SEC61A2: variants seen among roughly 807,000 people sequenced by gnomAD.
The protein encoded by SEC61A2 is SEC61 translocon subunit alpha 2, also known as protein transport protein Sec61 subunit alpha isoform 2.
Under a neutral mutation model 59.9 loss-of-function variants are expected in SEC61A2, and 28 were observed. That is an observed-to-expected ratio of 0.47 (90% CI 0.35 to 0.64). The LOEUF (loss-of-function observed/expected upper bound fraction) is 0.64. SEC61A2 is among the 30% of genes least tolerant of loss of function. The probability of loss-of-function intolerance (pLI) is 0.01; values close to 1 mark genes in which losing one functional copy is unlikely to be tolerated. For synonymous variants in SEC61A2, 202 were observed against 214.4 expected, an observed-to-expected ratio of 0.94 and a Z score of 0.50; for missense variants, 340 against 585.9, an observed-to-expected ratio of 0.58 and a Z score of 4.33.
chr10:12,146,810 G>A (rs543381300), intron 4 of SEC61A2, among the ~76,000 whole-genome samples: 45 of 152,254 alleles, frequency 3.0e-4, no homozygotes, highest in South Asian at 2.7e-3. Context: ...GAGCCACCGC[G>A]CCCAGCCAGT....
chr10:12,131,907 G>A (rs77047903), intron 1 of SEC61A2, among the ~76,000 whole-genome samples: 1,920 of 1,934 alleles, frequency 0.99, 955 homozygotes, highest in Middle Eastern at 1. Context: ...ATGTTGGCCA[G>A]GCTGGCCTTG....
At chr10:12,132,638 A>G (rs1833783602) in intron 1 of SEC61A2, among the ~76,000 whole-genome samples, 1 of 141,786 alleles carries the variant, frequency 7.1e-6, no homozygotes, top group South Asian at 2.2e-4. Context: ...AAAGTTAACT[A>G]TAGGAGGTGA....
At chr10:12,151,644 T>A (rs1024262836) in intron 6 of SEC61A2, among the ~76,000 whole-genome samples, 3 of 151,994 alleles carry the variant, frequency 2.0e-5, no homozygotes, top group African/African-American at 7.3e-5. Context: ...AAGATCAAGA[T>A]CAAGCTGAGA....
Position 12,158,376 on chromosome 10 carries a change from AAAGTAATTTCCTATTTTGT to A in SEC61A2, c.975+272_975+290del. 1 of 396,308 alleles carries A rather than the reference AAAGTAATTTCCTATTTTGT, an allele frequency of 2.5e-6. No homozygotes were observed. Among genetic ancestry groups the A allele is most frequent in the Non-Finnish European group, 4.6e-6 (1 of 218,520 alleles). 24.5% of individuals were successfully genotyped at this position (396,308 alleles called of 1,614,324 possible). On this transcript the variant is annotated intron_variant, in intron 9 of 11. Transcript: ENST00000298428. The surrounding 1 kb of genome is among the most constrained non-coding windows in gnomAD (Gnocchi z 5.7). ...AGCTAAAATTGTGGTTGATTTCATA[AAAGTAATTTCCTATTTTGT>A]CATCTTATTCCAGTATTGTCTACAA...
chr10:12,157,821 C>T (rs557205170), intron 8 of SEC61A2, 87 bp from the exon 9 acceptor site: 13 of 1,268,904 alleles, frequency 1.0e-5, no homozygotes, highest in East Asian at 7.0e-5. Flanking sequence ...TTTCATCCCC[C>T]GCACTGTTCT....
Position 12,165,133 on chromosome 10 carries a change from T to A in SEC61A2, c.*679T>A, listed in dbSNP as rs1234034989. 1.0e-6 allele frequency: 1 copy of A among 985,610 alleles called. No homozygotes were observed. Among genetic ancestry groups the A allele is most frequent in the Admixed American group, 6.1e-5 (1 of 16,276 alleles). The allele number at this position is 985,610 out of a possible 1,614,324, so 61.1% of individuals were successfully genotyped here. A position where few individuals can be genotyped will look rare whatever the true frequency, so the allele number is the denominator to read the frequency against. On this transcript the variant is annotated 3_prime_UTR_variant, in exon 12 of 12. Coordinates refer to ENST00000298428, the MANE Select transcript of SEC61A2 (RefSeq NM_018144.4). The stretch of plus-strand genomic sequence containing the variant: ...GCATCATCGTGCTGTTTGCCTGTAT[T>A]GGCTATGCCTTCTAACTCCAACCAG...
intron 3 of SEC61A2, among the ~76,000 whole-genome samples, chr10:12,139,468 G>C (rs1833960485): frequency 1.3e-5 from 2 of 151,168 alleles, no homozygotes; most frequent in Admixed American, 6.6e-5. Context: ...TGACCAACAT[G>C]GAGAAACCCC....
chr10:12,149,847 A>T lies in SEC61A2; in HGVS notation c.353-5A>T. 2 of 1,612,882 alleles carry T rather than the reference A, an allele frequency of 1.2e-6. No homozygotes were observed. Among genetic ancestry groups the T allele is most frequent in the Non-Finnish European group, 1.7e-6 (2 of 1,179,108 alleles). The stretch of plus-strand genomic sequence containing the variant: ...GTGCTCTCCTTTCCCCCCAACTTTC[A>T]TCAGTGTTTGGTATGATCATTACCA... On this transcript the variant is annotated splice_polypyrimidine_tract_variant and splice_region_variant and intron_variant, in intron 5 of 11. Transcript: ENST00000298428. This position sits in a 1 kb window ranked among gnomAD's most constrained non-coding sequence, Gnocchi z 5.2.
rs1834226307 is a variant in SEC61A2 at position 12,149,459 on chromosome 10, T to C, written c.221-136T>C. On this transcript the variant is annotated intron_variant, in intron 4 of 11. Transcript: ENST00000298428. The surrounding 1 kb of genome is among the most constrained non-coding windows in gnomAD (Gnocchi z 5.2). ...AATGAGAACTTTTCTTAGCAAGTAGTGTTTAAGAAATGAAAATTTGCTTGT... is the reference window on the plus strand; with the variant it reads ...AATGAGAACTTTTCTTAGCAAGTAGCGTTTAAGAAATGAAAATTTGCTTGT... 2.6e-6 allele frequency: 2 copies of C among 775,212 alleles called. No individual in the cohort carries two copies. The highest frequency in any genetic ancestry group is 2.5e-5 in the East Asian group (1 of 39,424). 48.0% of individuals were successfully genotyped at this position (775,212 alleles called of 1,614,324 possible).
chr10:12,158,126 C>G lies in SEC61A2; in HGVS notation c.975+21C>G. 6.4e-7 allele frequency: 1 copy of G among 1,556,928 alleles called. No individual in the cohort carries two copies. On this transcript the variant is annotated intron_variant, in intron 9 of 11. Coordinates refer to ENST00000298428, the MANE Select transcript of SEC61A2 (RefSeq NM_018144.4). The surrounding 1 kb of genome is among the most constrained non-coding windows in gnomAD (Gnocchi z 5.7). The stretch of plus-strand genomic sequence containing the variant: ...GGGCCGTGAGTATTATGTTTATTTA[C>G]ATTATTTATAGTTTATTATAATTTG...
At chr10:12,163,970 AT>A (rs1382105154) in intron 11 of SEC61A2, among the ~76,000 whole-genome samples, 8 of 152,202 alleles carry the variant, frequency 5.3e-5, no homozygotes, top group Non-Finnish European at 1.2e-4. Context: ...TCATTTAAAA[AT>A]CTTAAACATT....
rs138665446 is a variant in SEC61A2 at position 12,133,478 on chromosome 10, A to G, written c.75+170A>G. On this transcript the variant is annotated intron_variant, in intron 2 of 11. Transcript: ENST00000298428. Reference sequence around the variant, plus strand: ...GAATAAAAATAATATAAATCTGTTTAAATCTAGATAGGTTAACTCATGCTT... The same window carrying G: ...GAATAAAAATAATATAAATCTGTTTGAATCTAGATAGGTTAACTCATGCTT... Among the ~76,000 whole-genome samples, 5 of 152,366 alleles carry G rather than the reference A, an allele frequency of 3.3e-5. No homozygotes were observed. The East Asian group carries it at 9.6e-4, about 29-fold the overall frequency.
At chr10:12,146,724 T>A (rs760526873) in intron 4 of SEC61A2, among the ~76,000 whole-genome samples, 4 of 151,920 alleles carry the variant, frequency 2.6e-5, no homozygotes, top group South Asian at 2.1e-4. Flanking sequence ...TTCACCATGT[T>A]AGCCAGGATG....
rs1017795348 is a variant in SEC61A2, at chr10:12,158,223, C to A, written c.975+118C>A. The A allele has an allele frequency of 3.5e-5, 28 of 808,392 alleles. 1 individual carries two copies. The South Asian group carries it at 4.0e-4, about 12-fold the overall frequency. 50.1% of individuals were successfully genotyped at this position (808,392 alleles called of 1,614,324 possible). A position where few individuals can be genotyped will look rare whatever the true frequency, so the allele number is the denominator to read the frequency against. The stretch of plus-strand genomic sequence containing the variant: ...TTTGCTGTATTTTCAGATTCACTTA[C>A]CTATATAGCAGAGTTTAGTACTTAT... On this transcript the variant is annotated intron_variant, in intron 9 of 11. Transcript: ENST00000298428. This position sits in a 1 kb window ranked among gnomAD's most constrained non-coding sequence, Gnocchi z 5.7.
In SEC61A2 at chr10:12,149,870, C is replaced by T. The variant is rs775491585; in HGVS notation, c.371C>T (p.Thr124Ile). 2 of 1,614,064 alleles carry T rather than the reference C, an allele frequency of 1.2e-6. No individual in the cohort carries two copies. The highest frequency in any genetic ancestry group is 1.7e-6 in the Non-Finnish European group (2 of 1,179,958). Reference protein sequence around the residue: ...GAQKLFGMIITIGQAIVYVMT... With the variant: ...GAQKLFGMIIIIGQAIVYVMT... ...TCATCAGTGTTTGGTATGATCATTACCATTGGGCAAGCCATTGTGTATGTC... is the reference window on the plus strand; with the variant it reads ...TCATCAGTGTTTGGTATGATCATTATCATTGGGCAAGCCATTGTGTATGTC... Residue 124 changes from threonine (T) to isoleucine (I), a missense_variant, in exon 6 of 12, where the codon ACC (threonine) becomes ATC (isoleucine). Physicochemically the swap from Thr to Ile is moderately conservative, Grantham distance 89. Transcript: ENST00000298428. This position sits in a 1 kb window ranked among gnomAD's most constrained non-coding sequence, Gnocchi z 5.2.
rs117379498 is a variant in SEC61A2 at position 12,140,072 on chromosome 10, A to C, written c.142-3045A>C. On this transcript the variant is annotated intron_variant, in intron 3 of 11. Coordinates refer to ENST00000298428, the MANE Select transcript of SEC61A2 (RefSeq NM_018144.4). ...GTGGGCAGTGAGCTTTTGTAGCAGA[A>C]GTAAAGAATTGCAGAAGTAAAGAAA... Among the ~76,000 whole-genome samples the C allele has an allele frequency of 0.012, 1,864 of 152,256 alleles. 66 individuals carry two copies. In the East Asian group the frequency reaches 0.14, roughly 11 times the overall value.
chr10:12,162,344 A>G lies in SEC61A2; in HGVS notation c.1244+55A>G. ...GCCTGTGTTTGTGTTTCAGTCTTTC[A>G]GTGTTGGCTAAATGTTTTTCTTTGT... On this transcript the variant is annotated intron_variant, in intron 11 of 11. Transcript: ENST00000298428. This position sits in a 1 kb window ranked among gnomAD's most constrained non-coding sequence, Gnocchi z 6.1. 7.4e-7 allele frequency: 1 copy of G among 1,358,844 alleles called. No individual in the cohort carries two copies. Among genetic ancestry groups the G allele is most frequent in the Non-Finnish European group, 1.1e-6 (1 of 947,568 alleles). The allele number at this position is 1,358,844 out of a possible 1,614,324, so 84.2% of individuals were successfully genotyped here.
At chr10:12,146,850 C>T (rs937317900) in intron 4 of SEC61A2, among the ~76,000 whole-genome samples, 9 of 152,044 alleles carry the variant, frequency 5.9e-5, no homozygotes, top group Admixed American at 1.3e-4. Flanking sequence ...TTTGTAAGAG[C>T]TCTTTGCACA....
rs987253956 is a variant in SEC61A2, at chr10:12,154,332, G to A, written c.463-1446G>A. On this transcript the variant is annotated intron_variant, in intron 6 of 11. Coordinates refer to ENST00000298428, the MANE Select transcript of SEC61A2 (RefSeq NM_018144.4). The surrounding 1 kb of genome is among the most constrained non-coding windows in gnomAD (Gnocchi z 5.2). ...ACATATGTGAACCACTCTGTAGTCC[G>A]ATGGTCACTGTTCTGAACAGGGGGT... Among the ~76,000 whole-genome samples the A allele has an allele frequency of 1.3e-4, 20 of 152,168 alleles. No individual in the cohort carries two copies. Among genetic ancestry groups the A allele is most frequent in the African/African-American group, 3.6e-4 (15 of 41,440 alleles).
Sources: allele counts gnomAD v4.1 joint callset (sites outside exome capture counted in the v4.1 genomes callset), GRCh38; gene constraint gnomAD v4.1.1; non-coding constraint Gnocchi (gnomAD v3.1); transcripts MANE v1.5; gene names NCBI Gene and HGNC (gene_info 2026-07-23, HGNC 2026-07-21).